Variants in CDKAL1 observed in about 807,000 individuals in gnomAD.
CDKAL1 encodes threonylcarbamoyladenosine tRNA methylthiotransferase.
CDKAL1 carries 32 observed loss-of-function variants against 68.2 expected under a neutral mutation model. The ratio of observed to expected loss-of-function variants is 0.47; its 90% CI spans 0.35 to 0.63. The LOEUF (loss-of-function observed/expected upper bound fraction) is 0.63. Among genes scored for constraint, CDKAL1 ranks in the 30% least tolerant of loss-of-function variants. CDKAL1 has a pLI of 0.00. For missense variants in CDKAL1, 606 were observed against 696.7 expected (o/e 0.87, Z 1.47); for synonymous variants, 234 against 244.3 (o/e 0.96, Z 0.39).
chr6:20,898,712 T>C (rs1428690152), intron 9 of CDKAL1, among the ~76,000 whole-genome samples: 2 of 152,186 alleles, frequency 1.3e-5, no homozygotes, highest in Admixed American at 6.5e-5. Context: ...ATGAAAATTA[T>C]TGAGTAAAAT....
intron 9 of CDKAL1, among the ~76,000 whole-genome samples, chr6:20,921,631 A>G (rs1762961636): frequency 6.6e-6 from 1 of 152,116 alleles, no homozygotes; most frequent in African/African-American, 2.4e-5. Context: ...GGTGCATCCT[A>G]GTTTCTATCA....
At chr6:20,652,403 A>G (rs777781610) in intron 5 of CDKAL1, among the ~76,000 whole-genome samples, 3 of 152,194 alleles carry the variant, frequency 2.0e-5, no homozygotes, top group African/African-American at 4.8e-5. Context: ...AGGTGGGCAT[A>G]TTAAGTCCTT....
At chr6:21,133,522 A>G (rs1297368873) in intron 13 of CDKAL1, among the ~76,000 whole-genome samples, 2 of 152,198 alleles carry the variant, frequency 1.3e-5, no homozygotes, top group Non-Finnish European at 2.9e-5. Context: ...CAGAATCTCC[A>G]TTTGTGAGAA....
chr6:20,805,761 G>A (rs1776546628), intron 8 of CDKAL1, among the ~76,000 whole-genome samples: 1 of 152,150 alleles, frequency 6.6e-6, no homozygotes, highest in Non-Finnish European at 1.5e-5. Context: ...ACCACTGTAA[G>A]TTTCTGATTG....
At chr6:20,763,351 G>A (rs1322261125) in intron 7 of CDKAL1, among the ~76,000 whole-genome samples, 1 of 152,246 alleles carries the variant, frequency 6.6e-6, no homozygotes, top group South Asian at 2.1e-4. Flanking sequence ...ACAGCACCCC[G>A]TTGTTGCTAG....
chr6:20,860,865 T>C (rs1442993864), intron 9 of CDKAL1, among the ~76,000 whole-genome samples: 1 of 149,760 alleles, frequency 6.7e-6, no homozygotes, highest in East Asian at 1.9e-4. Flanking sequence ...TGAATAAAAA[T>C]AATTTATAAA....
intron 13 of CDKAL1, among the ~76,000 whole-genome samples, chr6:21,127,872 G>A (rs866328771): frequency 6.6e-6 from 1 of 152,202 alleles, no homozygotes; most frequent in African/African-American, 2.4e-5. Context: ...GAATGGTACA[G>A]TAGAGTCTGA....
At chr6:20,879,786 G>T (rs1207064625) in intron 9 of CDKAL1, among the ~76,000 whole-genome samples, 1 of 152,126 alleles carries the variant, frequency 6.6e-6, no homozygotes, top group African/African-American at 2.4e-5. Flanking sequence ...GCTGTTTGCT[G>T]CCCACACCTC....
chr6:20,647,361 G>C (rs533216194), intron 4 of CDKAL1, among the ~76,000 whole-genome samples: 1 of 152,280 alleles, frequency 6.6e-6, no homozygotes, highest in Non-Finnish European at 1.5e-5. Flanking sequence ...GGAGATTGGA[G>C]AAGCGCCATA....
intron 4 of CDKAL1, among the ~76,000 whole-genome samples, chr6:20,581,511 T>C (rs1420386298): frequency 6.6e-6 from 1 of 152,212 alleles, no homozygotes; most frequent in Admixed American, 6.5e-5. Context: ...GAAGAAAAAT[T>C]TTATATGCTA....
At chr6:21,121,888 T>C (rs906611025) in intron 13 of CDKAL1, among the ~76,000 whole-genome samples, 3 of 152,182 alleles carry the variant, frequency 2.0e-5, no homozygotes, top group African/African-American at 4.8e-5. Flanking sequence ...AAAGTGTGTA[T>C]AGAGATCTTA....
chr6:20,693,851 G>A (rs1176547378), intron 5 of CDKAL1, among the ~76,000 whole-genome samples: 1 of 151,800 alleles, frequency 6.6e-6, no homozygotes, highest in African/African-American at 2.4e-5. Context: ...CTTGGCATGG[G>A]TCTTCTTGAG....
At chr6:20,553,643 C>G (rs1763918521) in intron 4 of CDKAL1, among the ~76,000 whole-genome samples, 2 of 152,216 alleles carry the variant, frequency 1.3e-5, no homozygotes, top group Admixed American at 6.5e-5. Flanking sequence ...CGTAGTCTCA[C>G]TCCGCTGCCC....
At chr6:20,659,092 C>T (rs1193444383) in intron 5 of CDKAL1, among the ~76,000 whole-genome samples, 2 of 151,974 alleles carry the variant, frequency 1.3e-5, no homozygotes, top group East Asian at 3.9e-4. Context: ...CCTTGGCCTC[C>T]CAAAGTGTTG....
intron 9 of CDKAL1, among the ~76,000 whole-genome samples, chr6:20,917,169 T>C (rs1385976993): frequency 6.6e-6 from 1 of 152,094 alleles, no homozygotes; most frequent in Admixed American, 6.5e-5. Flanking sequence ...GTAGTAGAGA[T>C]GTGGTTTCAC....
At chr6:20,748,522 C>T (rs2150335856) in intron 6 of CDKAL1, among the ~76,000 whole-genome samples, 1 of 121,844 alleles carries the variant, frequency 8.2e-6, no homozygotes, top group East Asian at 2.8e-4. Flanking sequence ...ACTCCAGCTC[C>T]AGCTTGGGAA....
At chr6:21,072,104 A>AT (rs1158810364) in intron 12 of CDKAL1, among the ~76,000 whole-genome samples, 1 of 152,122 alleles carries the variant, frequency 6.6e-6, no homozygotes, top group East Asian at 1.9e-4. Context: ...TTCTATGGTG[A>AT]TTTTACCAGG....
intron 12 of CDKAL1, among the ~76,000 whole-genome samples, chr6:21,102,020 GCTTTAT>G (rs775573598): frequency 1.3e-5 from 2 of 152,094 alleles, no homozygotes; most frequent in African/African-American, 2.4e-5. Context: ...TCCCACTTGA[GCTTTAT>G]CTTTAACACC....
intron 5 of CDKAL1, among the ~76,000 whole-genome samples, chr6:20,709,707 A>C (rs1771761194): frequency 6.6e-6 from 1 of 152,132 alleles, no homozygotes; most frequent in Admixed American, 6.6e-5. Flanking sequence ...TTGTTGTCAT[A>C]AGAGACCTAG....
Sources: gnomAD v4.1 joint callset for allele counts (sites outside exome capture counted in the v4.1 genomes callset) on GRCh38, gnomAD v4.1.1 for gene constraint, MANE v1.5 for transcripts, NCBI Gene and HGNC (gene_info 2026-07-23, HGNC 2026-07-21) for gene names.